The following CSMD2 variants were observed in gnomAD, a reference collection of about 807,000 sequenced individuals.
The protein encoded by CSMD2 is CUB and sushi domain-containing protein 2.
A neutral mutation model predicts 398.5 loss-of-function variants in CSMD2; 130 were observed. The observed-to-expected ratio is 0.33, with a 90% CI of 0.28 to 0.38. The LOEUF (loss-of-function observed/expected upper bound fraction) is 0.38. Ranked by LOEUF, CSMD2 falls within the 10% of genes least tolerant of loss-of-function variation. The pLI, the probability that CSMD2 is intolerant of heterozygous loss-of-function variation, is 1.00. For missense variants in CSMD2, 3,829 were observed against 4,764.9 expected (o/e 0.80, Z 5.78); for synonymous variants, 1,828 against 1,908.5 (o/e 0.96, Z 1.10).
At chr1:33,868,525 C>T (rs1438304184) in intron 5 of CSMD2, among the ~76,000 whole-genome samples, 1 of 152,010 alleles carries the variant, frequency 6.6e-6, no homozygotes, top group Non-Finnish European at 1.5e-5. Flanking sequence ...TTCATGAGGT[C>T]AGGAATTTGA....
chr1:33,748,900 A>G (rs143197118), intron 13 of CSMD2, among the ~76,000 whole-genome samples: 181 of 152,266 alleles, frequency 1.2e-3, no homozygotes, highest in African/African-American at 4.0e-3. Context: ...ACATTAGGCT[A>G]TAAGAAAATC....
rs1167421076 is a variant in CSMD2 at position 33,518,363 on chromosome 1, ATGCATGCCTGTGTGCATG to A, written c.*53+1084_*53+1101del. ...AGTTCCTTCCCAGTGGGCCTGTCAG[ATGCATGCCTGTGTGCATG>A]TATGCGTATGTGTGTGTGTGTGTGT... On this transcript the variant is annotated intron_variant, in intron 70 of 70. Transcript: ENST00000373381. This position sits in a 1 kb window ranked among gnomAD's most constrained non-coding sequence, Gnocchi z 4.3. 6.6e-6 allele frequency among the ~76,000 whole-genome samples: 1 copy of A among 150,786 alleles called. No individual in the cohort carries two copies. Among genetic ancestry groups the A allele is most frequent in the Non-Finnish European group, 1.5e-5 (1 of 67,840 alleles).
intron 6 of CSMD2, among the ~76,000 whole-genome samples, chr1:33,832,404 G>A (rs1659693362): frequency 7.3e-6 from 1 of 137,324 alleles, no homozygotes; most frequent in African/African-American, 2.9e-5. Context: ...ACCTGCACTG[G>A]GTACATAACG....
At chr1:34,090,574 C>A (rs1658445589) in intron 1 of CSMD2, among the ~76,000 whole-genome samples, 5 of 151,852 alleles carry the variant, frequency 3.3e-5, no homozygotes, top group African/African-American at 1.2e-4. Flanking sequence ...GGAATCATGC[C>A]TCCATCTCTT....
rs955673647 is a variant in CSMD2 at position 34,163,764 on chromosome 1, T to C, written c.187+1147A>G. Among the ~76,000 whole-genome samples the C allele has an allele frequency of 2.0e-5, 3 of 152,194 alleles. No homozygotes were observed. Among genetic ancestry groups the C allele is most frequent in the Non-Finnish European group, 4.4e-5 (3 of 68,030 alleles). ...GTTTCTCCCCCAGTGGGTGTCAGCC[T>C]CGCGGGCTAAATGAAAATGCGGTTC... On this transcript the variant is annotated intron_variant, in intron 1 of 70. Coordinates refer to ENST00000373381, the MANE Select transcript of CSMD2 (RefSeq NM_001281956.2). The surrounding 1 kb of genome is among the most constrained non-coding windows in gnomAD (Gnocchi z 5.4).
chr1:34,147,728 G>A (rs1401280576), intron 1 of CSMD2, among the ~76,000 whole-genome samples: 1 of 151,942 alleles, frequency 6.6e-6, no homozygotes, highest in Admixed American at 6.6e-5. Context: ...GGAAACAGAG[G>A]GGAGGGAGGA....
At chr1:34,112,810 A>C (rs1170176486) in intron 1 of CSMD2, 2 of 152,244 alleles carry the variant, frequency 1.3e-5, no homozygotes, top group Non-Finnish European at 2.9e-5. Context: ...AAAGGATTCA[A>C]GCCAATTCAA....
intron 49 of CSMD2, among the ~76,000 whole-genome samples, chr1:33,574,123 C>T (rs1327197630): frequency 6.6e-6 from 1 of 152,166 alleles, no homozygotes; most frequent in Non-Finnish European, 1.5e-5. Context: ...TCAGAAAATG[C>T]ACCTCTTGTG....
chr1:33,536,140 C>T (rs1339275541), intron 62 of CSMD2, among the ~76,000 whole-genome samples: 1 of 152,194 alleles, frequency 6.6e-6, no homozygotes, highest in Non-Finnish European at 1.5e-5. Context: ...CCTGTCATGT[C>T]CAGGTGAGTC....
chr1:33,707,689 GCGCGCGCACACACACA>G (rs1419342372), intron 22 of CSMD2, among the ~76,000 whole-genome samples: 2,186 of 126,384 alleles, frequency 0.017, 34 homozygotes, highest in African/African-American at 0.032. Context: ...GCACACGCGC[GCGCGCGCACACACACA>G]CACACACACA....
At chr1:33,899,469 C>T (rs1401818935) in intron 5 of CSMD2, among the ~76,000 whole-genome samples, 3 of 152,214 alleles carry the variant, frequency 2.0e-5, no homozygotes, top group African/African-American at 7.2e-5. Context: ...GGGTAAATGA[C>T]CTCACTGAGT....
chr1:33,546,719 A>G (rs1351408094), intron 56 of CSMD2, among the ~76,000 whole-genome samples: 2 of 144,442 alleles, frequency 1.4e-5, no homozygotes, highest in East Asian at 4.1e-4. Context: ...ACAATCACTA[A>G]CCATCTGACC....
chr1:33,922,950 A>G (rs548565098), intron 4 of CSMD2, among the ~76,000 whole-genome samples: 5 of 152,132 alleles, frequency 3.3e-5, no homozygotes, highest in Non-Finnish European at 5.9e-5. Flanking sequence ...CAATAATTGT[A>G]TGTCCTTATG....
intron 13 of CSMD2, among the ~76,000 whole-genome samples, chr1:33,771,317 G>A (rs185423016): frequency 6.6e-5 from 10 of 152,298 alleles, no homozygotes; most frequent in East Asian, 3.9e-4. Context: ...GCTGCTCCCT[G>A]CTCCTCCAGG....
chr1:33,937,913 G>A (rs938590678), intron 3 of CSMD2, among the ~76,000 whole-genome samples: 5 of 152,262 alleles, frequency 3.3e-5, no homozygotes, highest in Non-Finnish European at 7.3e-5. Context: ...CCATGAGGGC[G>A]TGGGCCTAGT....
intron 2 of CSMD2, among the ~76,000 whole-genome samples, chr1:34,043,146 A>C (rs1173329543): frequency 6.6e-6 from 1 of 151,850 alleles, no homozygotes; most frequent in Non-Finnish European, 1.5e-5. Flanking sequence ...GGATGGTCTC[A>C]ATCTCCTGAC....
intron 3 of CSMD2, among the ~76,000 whole-genome samples, chr1:34,025,263 C>CT (rs112779380): frequency 0.26 from 38,862 of 151,474 alleles, 5,338 homozygotes; most frequent in African/African-American, 0.31. Flanking sequence ...AGGGTTTTGT[C>CT]TTTTTTTTTC....
chr1:33,634,440 G>A (rs1436874989), intron 31 of CSMD2, among the ~76,000 whole-genome samples: 1 of 152,166 alleles, frequency 6.6e-6, no homozygotes, highest in African/African-American at 2.4e-5. Context: ...CTCCTCCCCT[G>A]GGTGGTCGGG....
At chr1:33,697,635 T>C (rs1250161114) in intron 24 of CSMD2, among the ~76,000 whole-genome samples, 1 of 152,252 alleles carries the variant, frequency 6.6e-6, no homozygotes, top group Non-Finnish European at 1.5e-5. Flanking sequence ...CTCCCTCCTG[T>C]TGGTGAATTC....
Sources: allele counts gnomAD v4.1 joint callset (sites outside exome capture counted in the v4.1 genomes callset), GRCh38; gene constraint gnomAD v4.1.1; non-coding constraint Gnocchi (gnomAD v3.1); transcripts MANE v1.5; gene names NCBI Gene and HGNC (gene_info 2026-07-23, HGNC 2026-07-21).